ADAMTSL1: variants seen among roughly 807,000 people sequenced by gnomAD.
ADAMTSL1 encodes the protein ADAMTS-like protein 1.
ADAMTSL1 carries 126 observed loss-of-function variants against 201.8 expected under a neutral mutation model. That is an observed-to-expected ratio of 0.62 (90% confidence interval 0.54 to 0.72). The LOEUF is 0.72. Ranked by LOEUF, ADAMTSL1 falls within the 30% of genes least tolerant of loss-of-function variation. The pLI, the probability that ADAMTSL1 is intolerant of heterozygous loss-of-function variation, is 0.00. For synonymous variants in ADAMTSL1, 1,121 were observed against 903.4 expected (o/e 1.24, Z -4.32); for missense variants, 2,679 against 2,277.8 (o/e 1.18, Z -3.59).
In ADAMTSL1 at chr9:18,662,011, C is replaced by T. The variant is rs1564129377; in HGVS notation, c.1023C>T (p.Tyr341=). Residue 341 remains tyrosine, a synonymous_variant, in exon 9 of 29, where the codon TAC becomes TAT. Coordinates refer to ENST00000380548, the MANE Select transcript of ADAMTSL1 (RefSeq NM_001040272.6). ...TTGCTGACCAATACTGTCACTATTA[C>T]CCAGAGAACATCAAACCCAAACCCA... The part of the protein sequence containing the change: ...RVVADQYCHY[Y]PENIKPKPKL... 2 of 1,613,954 alleles carry T rather than the reference C, an allele frequency of 1.2e-6. No homozygotes were observed. The highest frequency in any genetic ancestry group is 8.5e-7 in the Non-Finnish European group (1 of 1,179,964).
intron 1 of ADAMTSL1, among the ~76,000 whole-genome samples, chr9:18,015,038 G>C (rs1252044222): frequency 6.6e-6 from 1 of 152,044 alleles, no homozygotes; most frequent in Admixed American, 6.6e-5. Flanking sequence ...AGCATTAATT[G>C]AATGTATACT....
Position 18,415,198 on chromosome 9 carries a change from G to A in ADAMTSL1, c.208-89631G>A, listed in dbSNP as rs552170591. On this transcript the variant is annotated intron_variant, in intron 2 of 29. Coordinates refer to the ADAMTSL1 transcript ENST00000680146. ...AAACTTAGCAGCAATGCAAAGAAGT[G>A]GGAAAATATAACCCGTAAAAAAGGA... 1.4e-4 allele frequency among the ~76,000 whole-genome samples: 21 copies of A among 152,214 alleles called. 1 individual carries two copies. The highest frequency in any genetic ancestry group is 4.8e-4 in the African/African-American group (20 of 41,546).
At chr9:18,058,185 A>G (rs1822281540) in intron 1 of ADAMTSL1, among the ~76,000 whole-genome samples, 1 of 152,258 alleles carries the variant, frequency 6.6e-6, no homozygotes, top group South Asian at 2.1e-4. Flanking sequence ...TGAGTAATCT[A>G]GAACATTCTT....
chr9:18,838,360 T>TACACACAC (rs775337751), intron 23 of ADAMTSL1, among the ~76,000 whole-genome samples: 1,102 of 86,708 alleles, frequency 0.013, 21 homozygotes, highest in Admixed American at 0.047. Flanking sequence ...CAAACCATAT[T>TACACACAC]ACACACACAC....
At chr9:18,062,403 G>A (rs974707512) in intron 1 of ADAMTSL1, among the ~76,000 whole-genome samples, 1 of 152,030 alleles carries the variant, frequency 6.6e-6, no homozygotes, top group Non-Finnish European at 1.5e-5. Flanking sequence ...TAATGTAACT[G>A]AATAAATACC....
chr9:18,032,219 C>A (rs150323015), intron 1 of ADAMTSL1, among the ~76,000 whole-genome samples: 1 of 152,186 alleles, frequency 6.6e-6, no homozygotes, highest in Admixed American at 6.5e-5. Flanking sequence ...CACTGGCACA[C>A]AAACCAGCAC....
intron 2 of ADAMTSL1, among the ~76,000 whole-genome samples, chr9:18,234,853 C>G (rs76693309): frequency 0.012 from 1,820 of 152,278 alleles, 47 homozygotes; most frequent in African/African-American, 0.042. Context: ...TGCAATAGGT[C>G]AAGTACCAAC....
chr9:18,079,909 G>A (rs550467302), intron 1 of ADAMTSL1, among the ~76,000 whole-genome samples: 227 of 152,174 alleles, frequency 1.5e-3, no homozygotes, highest in African/African-American at 5.2e-3. Flanking sequence ...CTGAAGACAG[G>A]CAACAACTGG....
chr9:18,032,803 A>C (rs886814991), intron 1 of ADAMTSL1, among the ~76,000 whole-genome samples: 2 of 152,110 alleles, frequency 1.3e-5, no homozygotes, highest in Non-Finnish European at 2.9e-5. Context: ...CTGTGGTGGA[A>C]CTGTGGGTTT....
chr9:18,231,828 T>C (rs532592411), intron 2 of ADAMTSL1, among the ~76,000 whole-genome samples: 10 of 152,184 alleles, frequency 6.6e-5, no homozygotes, highest in Non-Finnish European at 1.5e-4. Context: ...TGACTCTCCT[T>C]GGCCAGGCTT....
chr9:18,622,947 G>GAT (rs1826126399), intron 5 of ADAMTSL1, among the ~76,000 whole-genome samples: 1 of 152,212 alleles, frequency 6.6e-6, no homozygotes, highest in Non-Finnish European at 1.5e-5. Context: ...CTAGGCTAGA[G>GAT]TGCAATGGGG....
chr9:18,280,745 T>A (rs887053121), intron 2 of ADAMTSL1, among the ~76,000 whole-genome samples: 3 of 152,230 alleles, frequency 2.0e-5, no homozygotes, highest in African/African-American at 7.2e-5. Flanking sequence ...CTTTTAACCT[T>A]GTACCCTATG....
At chr9:17,987,859 G>GTATT (rs1818991498) in intron 1 of ADAMTSL1, among the ~76,000 whole-genome samples, 1 of 152,022 alleles carries the variant, frequency 6.6e-6, no homozygotes, top group Non-Finnish European at 1.5e-5. Flanking sequence ...GAAAGAGTTT[G>GTATT]TATTTACCCT....
intron 20 of ADAMTSL1, among the ~76,000 whole-genome samples, chr9:18,809,719 G>A (rs916279244): frequency 3.3e-5 from 5 of 152,096 alleles, no homozygotes; most frequent in Non-Finnish European, 7.4e-5. Context: ...AACCCAGGAG[G>A]CAGAGGTTGC....
chr9:18,697,117 C>T (rs1381236078), intron 13 of ADAMTSL1, among the ~76,000 whole-genome samples: 3 of 151,722 alleles, frequency 2.0e-5, no homozygotes, highest in Non-Finnish European at 4.4e-5. Context: ...CTCTTGACCT[C>T]GTGATCTGCC....
intron 1 of ADAMTSL1, among the ~76,000 whole-genome samples, chr9:18,054,814 G>A (rs1399442998): frequency 1.3e-5 from 2 of 152,198 alleles, no homozygotes; most frequent in African/African-American, 4.8e-5. Flanking sequence ...ACAGGATGTG[G>A]ATAAATTTAA....
In ADAMTSL1 at chr9:18,892,391, G is replaced by C; in HGVS notation, c.4646G>C (p.Trp1549Ser). Residue 1549 changes from tryptophan (W) to serine (S), a missense_variant and splice_region_variant, in exon 26 of 29, where the codon TGG becomes TCG. Coordinates refer to ENST00000380548, the MANE Select transcript of ADAMTSL1 (RefSeq NM_001040272.6). The part of the protein sequence containing the change: ...ACNRRDCPSR[W>S]MVTSWSACTR... ...CTGACACTTCTTCCTCTCCCCAGGT[G>C]GATGGTGACCTCCTGGTCTGCCTGT... 6.2e-7 allele frequency: 1 copy of C among 1,611,790 alleles called. No individual in the cohort carries two copies. Among genetic ancestry groups the C allele is most frequent in the Non-Finnish European group, 8.5e-7 (1 of 1,179,270 alleles).
intron 2 of ADAMTSL1, among the ~76,000 whole-genome samples, chr9:18,347,236 CA>C (rs1200616938): frequency 1.3e-5 from 2 of 151,832 alleles, no homozygotes; most frequent in African/African-American, 4.8e-5. Flanking sequence ...TTCTTAGAGA[CA>C]AAAAAATATT....
chr9:18,294,159 C>T (rs769986008), intron 2 of ADAMTSL1, among the ~76,000 whole-genome samples: 14 of 152,158 alleles, frequency 9.2e-5, no homozygotes, highest in Non-Finnish European at 1.9e-4. Flanking sequence ...CCTAAAATTT[C>T]ACGCCAAAAA....
Sources: allele counts gnomAD v4.1 joint callset (sites outside exome capture counted in the v4.1 genomes callset), GRCh38; gene constraint gnomAD v4.1.1; transcripts MANE v1.5; gene names NCBI Gene and HGNC (gene_info 2026-07-23, HGNC 2026-07-21).